The following SLC4A10 variants were observed in gnomAD, a reference collection of about 807,000 sequenced individuals.
SLC4A10 encodes the protein sodium-driven chloride bicarbonate exchanger.
A neutral mutation model predicts 137.7 loss-of-function variants in SLC4A10; 42 were observed. That is an observed-to-expected ratio of 0.30 (90% CI 0.24 to 0.39). The LOEUF (loss-of-function observed/expected upper bound fraction) is 0.39. Among genes scored for constraint, SLC4A10 ranks in the 10% least tolerant of loss-of-function variants. The pLI is 1.00. For missense variants in SLC4A10, 925 were observed against 1,355.0 expected, an observed-to-expected ratio of 0.68 and a Z score of 4.98; for synonymous variants, 474 against 464.1, an observed-to-expected ratio of 1.02 and a Z score of -0.27.
In SLC4A10 at chr2:161,957,030, C is replaced by T; in HGVS notation, c.2583C>T (p.Val861=). Residue 861 remains valine, a synonymous_variant, in exon 20 of 27, where the codon GTC becomes GTT. Coordinates refer to ENST00000446997, the MANE Select transcript of SLC4A10 (RefSeq NM_001178015.2). ...GYHLDLLMVA[V]MLGVCSIMGL... is the part of the protein sequence containing the mutation. The stretch of plus-strand genomic sequence containing the variant: ...ATCTGGACCTATTAATGGTGGCTGT[C>T]ATGCTCGGTGTATGCTCCATCATGG... 2 of 1,605,498 alleles carry T rather than the reference C, an allele frequency of 1.2e-6. No individual in the cohort carries two copies. The highest frequency in any genetic ancestry group is 1.7e-6 in the Non-Finnish European group (2 of 1,175,986).
At chr2:161,719,056 C>T (rs1435635872) in intron 1 of SLC4A10, among the ~76,000 whole-genome samples, 2 of 152,044 alleles carry the variant, frequency 1.3e-5, no homozygotes, top group African/African-American at 2.4e-5. Context: ...TTCCCCCCTC[C>T]CCTCACCCCA....
chr2:161,643,628 T>C (rs1001634971), intron 1 of SLC4A10, among the ~76,000 whole-genome samples: 1 of 152,120 alleles, frequency 6.6e-6, no homozygotes, highest in Non-Finnish European at 1.5e-5. Flanking sequence ...TCAGGTTGAG[T>C]CTACTAAGAG....
At chr2:161,721,827 C>T (rs1158740651) in intron 1 of SLC4A10, among the ~76,000 whole-genome samples, 3 of 152,064 alleles carry the variant, frequency 2.0e-5, no homozygotes, top group South Asian at 2.1e-4. Flanking sequence ...TACCCCAATC[C>T]GTCATAGTTT....
At chr2:161,831,511 G>T (rs959331450) in intron 3 of SLC4A10, among the ~76,000 whole-genome samples, 2 of 151,642 alleles carry the variant, frequency 1.3e-5, no homozygotes, top group African/African-American at 4.8e-5. Context: ...ACATAATTTT[G>T]CTGGATTTAT....
intron 2 of SLC4A10, among the ~76,000 whole-genome samples, chr2:161,793,950 G>C (rs905469952): frequency 6.6e-6 from 1 of 151,922 alleles, no homozygotes; most frequent in African/African-American, 2.4e-5. Context: ...AGATAATATA[G>C]CATAAAAAAA....
At chr2:161,657,331 C>G (rs892253404) in intron 1 of SLC4A10, among the ~76,000 whole-genome samples, 7 of 151,914 alleles carry the variant, frequency 4.6e-5, no homozygotes. Context: ...AAGCCTGGCA[C>G]ATAAAAATAG....
chr2:161,773,017 T>C (rs554596715), intron 2 of SLC4A10, among the ~76,000 whole-genome samples: 2 of 151,858 alleles, frequency 1.3e-5, no homozygotes, highest in Admixed American at 6.6e-5. Context: ...GGTAGCATTA[T>C]TGAGATAATG....
intron 1 of SLC4A10, among the ~76,000 whole-genome samples, chr2:161,681,601 T>C (rs1296073828): frequency 6.6e-6 from 1 of 152,188 alleles, no homozygotes; most frequent in Non-Finnish European, 1.5e-5. Context: ...CTCCGCTTTA[T>C]AGGATTCCTG....
chr2:161,663,083 G>A (rs568664753), intron 1 of SLC4A10, among the ~76,000 whole-genome samples: 3 of 152,180 alleles, frequency 2.0e-5, no homozygotes, highest in African/African-American at 7.2e-5. Flanking sequence ...TTAGATGAGG[G>A]ACTATAGTAT....
Position 161,882,377 on chromosome 2 carries a change from G to T in SLC4A10, c.1127G>T (p.Gly376Val). 1 of 1,583,704 alleles carries T rather than the reference G, an allele frequency of 6.3e-7. No individual in the cohort carries two copies. The highest frequency in any genetic ancestry group is 8.6e-7 in the Non-Finnish European group (1 of 1,164,716). Residue 376 changes from glycine (G) to valine (V), a missense_variant, in exon 10 of 27, where the codon GGA becomes GTA. Gly to Val is a moderately radical substitution (Grantham distance 109). Transcript: ENST00000446997. Reference sequence around the variant, plus strand: ...TACAGATTTTTGTTCATTCTTCTGGGACCCCTGGGAAAGGGTCAACAGTAC... The same window carrying T: ...TACAGATTTTTGTTCATTCTTCTGGTACCCCTGGGAAAGGGTCAACAGTAC... ...IPTRFLFILL[G>V]PLGKGQQYHE...
intron 1 of SLC4A10, among the ~76,000 whole-genome samples, chr2:161,762,474 GTCTT>G (rs1559191241): frequency 6.6e-6 from 1 of 152,070 alleles, no homozygotes; most frequent in Non-Finnish European, 1.5e-5. Context: ...AAGCAGTTGA[GTCTT>G]TCATATTTGT....
At chr2:161,949,819 A>G (rs759863654) in intron 18 of SLC4A10, among the ~76,000 whole-genome samples, 48 of 151,976 alleles carry the variant, frequency 3.2e-4, no homozygotes, top group Non-Finnish European at 5.3e-4. Context: ...TACCTTATAC[A>G]TATAACCTGA....
rs374865086 is a variant in SLC4A10, at chr2:161,839,826, C to T, written c.315C>T (p.Thr105=). ...AGAGGGTACAGTTTATTCTTGGAACCGAGGATGATGACGAGGAACACATTC... is the reference window on the plus strand; with the variant it reads ...AGAGGGTACAGTTTATTCTTGGAACTGAGGATGATGACGAGGAACACATTC... ...PSQRVQFILG[T]EDDDEEHIPH... is the part of the protein sequence containing the mutation. The change falls in exon 4 of 27, where the codon ACC becomes ACT. Residue 105 remains threonine, a synonymous_variant. Transcript: ENST00000446997. 1.6e-5 allele frequency: 26 copies of T among 1,613,702 alleles called. No homozygotes were observed. In the East Asian group the frequency reaches 2.7e-4, roughly 17 times the overall value.
At chr2:161,931,748 G>A (rs954502503) in intron 15 of SLC4A10, among the ~76,000 whole-genome samples, 2 of 152,122 alleles carry the variant, frequency 1.3e-5, no homozygotes, top group East Asian at 1.9e-4. Flanking sequence ...TTAGAAGAGC[G>A]ACAGGGATTT....
intron 3 of SLC4A10, among the ~76,000 whole-genome samples, chr2:161,835,400 T>C (rs1429318051): frequency 3.9e-5 from 6 of 152,120 alleles, no homozygotes; most frequent in Non-Finnish European, 8.8e-5. Flanking sequence ...ATATAGTGAC[T>C]TGAACCACAG....
At chr2:161,857,818 A>C (rs2125867820) in intron 5 of SLC4A10, among the ~76,000 whole-genome samples, 1 of 152,302 alleles carries the variant, frequency 6.6e-6, no homozygotes, top group East Asian at 1.9e-4. Context: ...ATAAACAGAT[A>C]AATAGAAAGT....
At chr2:161,700,298 G>A (rs2124998699) in intron 1 of SLC4A10, among the ~76,000 whole-genome samples, 1 of 152,212 alleles carries the variant, frequency 6.6e-6, no homozygotes. Flanking sequence ...ACTAAAGAGA[G>A]GTTACTGGAT....
chr2:161,637,013 C>T (rs1011147898), intron 1 of SLC4A10, among the ~76,000 whole-genome samples: 21 of 148,346 alleles, frequency 1.4e-4, no homozygotes, highest in Admixed American at 4.7e-4. Context: ...TCACTATACC[C>T]GGCCTACATT....
At chr2:161,642,601 C>G (rs1244378226) in intron 1 of SLC4A10, among the ~76,000 whole-genome samples, 1 of 151,916 alleles carries the variant, frequency 6.6e-6, no homozygotes. Context: ...TTAGTTAACT[C>G]ATTTACATTA....
Sources: allele counts gnomAD v4.1 joint callset (sites outside exome capture counted in the v4.1 genomes callset), GRCh38; gene constraint gnomAD v4.1.1; transcripts MANE v1.5; gene names NCBI Gene and HGNC (gene_info 2026-07-23, HGNC 2026-07-21).